Variants in PDE4B observed in about 807,000 individuals in gnomAD.
PDE4B encodes 3',5'-cyclic-AMP phosphodiesterase 4B.
A neutral mutation model predicts 82.2 loss-of-function variants in PDE4B; 20 were observed. That is an observed-to-expected ratio of 0.24 (90% CI 0.17 to 0.35). PDE4B has a LOEUF of 0.35. PDE4B is among the 10% of genes least tolerant of loss of function. The pLI is 1.00. For missense variants in PDE4B, 655 were observed against 907.2 expected (o/e 0.72, Z 3.57); for synonymous variants, 320 against 318.9 (o/e 1.00, Z -0.04).
intron 3 of PDE4B, among the ~76,000 whole-genome samples, chr1:66,234,790 C>A (rs777696439): frequency 1.4e-4 from 21 of 151,792 alleles, no homozygotes; most frequent in Non-Finnish European, 3.1e-4. Context: ...TCTTTTATTT[C>A]CGCTCTATCT....
chr1:66,053,628 C>T (rs1287180333), intron 3 of PDE4B, among the ~76,000 whole-genome samples: 11 of 152,172 alleles, frequency 7.2e-5, no homozygotes, highest in Admixed American at 2.0e-4. Context: ...GAGGCTGAGG[C>T]GGGCAGGATC....
intron 3 of PDE4B, among the ~76,000 whole-genome samples, chr1:66,158,462 C>T (rs911826430): frequency 6.6e-6 from 1 of 152,022 alleles, no homozygotes; most frequent in African/African-American, 2.4e-5. Flanking sequence ...AACCACACTC[C>T]AGTAGAGAAA....
At chr1:65,850,110 CTTTTTTTTT>C (rs57662381) in intron 1 of PDE4B, among the ~76,000 whole-genome samples, 2 of 97,490 alleles carry the variant, frequency 2.1e-5, no homozygotes, top group East Asian at 2.8e-4. Flanking sequence ...TTGCCCTGCA[CTTTTTTTTT>C]TTTTTTTTTT....
chr1:66,230,176 A>T (rs1030563378), intron 3 of PDE4B, among the ~76,000 whole-genome samples: 1 of 152,146 alleles, frequency 6.6e-6, no homozygotes, highest in African/African-American at 2.4e-5. Flanking sequence ...TCACATATGG[A>T]CTTGAATTTG....
chr1:66,242,776 G>A (rs886520308), intron 3 of PDE4B, among the ~76,000 whole-genome samples: 2 of 152,126 alleles, frequency 1.3e-5, no homozygotes, highest in South Asian at 2.1e-4. Flanking sequence ...TAAGGCTTCA[G>A]TTATGTTTCT....
chr1:65,851,295 A>C (rs537223006), intron 1 of PDE4B, among the ~76,000 whole-genome samples: 99 of 152,232 alleles, frequency 6.5e-4, no homozygotes, highest in Non-Finnish European at 1.5e-4. Context: ...TTGCTATTTT[A>C]GCATTTTTTT....
chr1:65,841,563 A>G (rs1646208042), intron 1 of PDE4B, among the ~76,000 whole-genome samples: 1 of 152,144 alleles, frequency 6.6e-6, no homozygotes. Flanking sequence ...ATGAACCAGA[A>G]GTCGCAGTCA....
intron 1 of PDE4B, among the ~76,000 whole-genome samples, chr1:65,911,331 CT>C (rs930797198): frequency 6.6e-6 from 1 of 152,162 alleles, no homozygotes; most frequent in Non-Finnish European, 1.5e-5. Context: ...ATTCAACTCA[CT>C]TAGAAAACCT....
chr1:66,186,518 T>G (rs970946315), intron 3 of PDE4B, among the ~76,000 whole-genome samples: 4 of 152,172 alleles, frequency 2.6e-5, no homozygotes, highest in African/African-American at 9.7e-5. Flanking sequence ...CATTGAGCAG[T>G]GGTTTGTAGT....
chr1:66,114,762 G>C (rs1349598429), intron 3 of PDE4B, among the ~76,000 whole-genome samples: 2 of 133,194 alleles, frequency 1.5e-5, no homozygotes, highest in Non-Finnish European at 3.5e-5. Flanking sequence ...CAGCCTCCCG[G>C]GTAGCTGGGA....
chr1:66,091,310 T>C (rs910901769), intron 3 of PDE4B, among the ~76,000 whole-genome samples: 5 of 152,074 alleles, frequency 3.3e-5, no homozygotes, highest in Admixed American at 3.3e-4. Flanking sequence ...TCCTTGGTTA[T>C]ATGTAATGAC....
chr1:65,944,640 G>T (rs2100554627), intron 3 of PDE4B, among the ~76,000 whole-genome samples: 2 of 152,068 alleles, frequency 1.3e-5, no homozygotes, highest in African/African-American at 4.8e-5. Flanking sequence ...AATGCAAAGA[G>T]CAAGTTAAGA....
chr1:66,174,792 C>T (rs1197571739), intron 3 of PDE4B, among the ~76,000 whole-genome samples: 2 of 141,748 alleles, frequency 1.4e-5, no homozygotes, highest in Non-Finnish European at 3.1e-5. Context: ...ACAACAACAA[C>T]AAACTACCTG....
chr1:66,057,061 C>T (rs1333836151), intron 3 of PDE4B, among the ~76,000 whole-genome samples: 2 of 152,166 alleles, frequency 1.3e-5, no homozygotes, highest in African/African-American at 4.8e-5. Context: ...ATATTCATCT[C>T]TAGCATAATC....
chr1:65,860,506 T>C (rs1280566368), intron 1 of PDE4B, among the ~76,000 whole-genome samples: 2 of 152,250 alleles, frequency 1.3e-5, no homozygotes, highest in Admixed American at 1.3e-4. Context: ...GCAATAAACA[T>C]ACGTGTGCAT....
At position 65,887,414 on chromosome 1, in the gene PDE4B, GTTTT is replaced by G. The variant is rs34263724; in HGVS notation, c.-70-25810_-70-25807del. ...TTTTCTTTCTTTTTCTTTTTCTTCT[GTTTT>G]TTTTTTTTTTTTTTTTTTTTACAGG... On this transcript the variant is annotated intron_variant, in intron 1 of 16. Transcript: ENST00000341517. Among the ~76,000 whole-genome samples, 12 of 7,734 alleles carry G rather than the reference GTTTT, an allele frequency of 1.6e-3. 2 individuals carry two copies. The highest frequency in any genetic ancestry group is 0.014 in the East Asian group (5 of 370). 5.1% of individuals were successfully genotyped at this position (7,734 alleles called of 152,430 possible).
chr1:65,878,624 C>A (rs1379884271), intron 1 of PDE4B, among the ~76,000 whole-genome samples: 1 of 152,072 alleles, frequency 6.6e-6, no homozygotes, highest in East Asian at 1.9e-4. Context: ...AGCAAATTAA[C>A]TCAGGAACAG....
chr1:66,091,682 T>C (rs1645029129), intron 3 of PDE4B, among the ~76,000 whole-genome samples: 1 of 152,028 alleles, frequency 6.6e-6, no homozygotes, highest in African/African-American at 2.4e-5. Context: ...AGAGTTGTAG[T>C]TGCTCAAGAG....
chr1:66,232,490 AATAG>A (rs1262810473), intron 3 of PDE4B, among the ~76,000 whole-genome samples: 2 of 152,232 alleles, frequency 1.3e-5, no homozygotes, highest in African/African-American at 4.8e-5. Flanking sequence ...AGGATTGGTA[AATAG>A]ATAGTATTCT....
Sources: allele counts gnomAD v4.1 joint callset (sites outside exome capture counted in the v4.1 genomes callset), GRCh38; gene constraint gnomAD v4.1.1; transcripts MANE v1.5; gene names NCBI Gene and HGNC (gene_info 2026-07-23, HGNC 2026-07-21).